The following CFAP299 variants were observed in gnomAD, a reference collection of about 807,000 sequenced individuals.
CFAP299 encodes cilia and flagella associated protein 299.
CFAP299 carries 21 observed loss-of-function variants against 27.0 expected under a neutral mutation model. The observed-to-expected ratio is 0.78, with a 90% CI of 0.55 to 1.12. The LOEUF (loss-of-function observed/expected upper bound fraction) is 1.12. Among genes scored for constraint, CFAP299 ranks in the 50% most tolerant of loss-of-function variants. The pLI, the probability that CFAP299 is intolerant of heterozygous loss-of-function variation, is 0.00. For synonymous variants in CFAP299, 104 were observed against 98.1 expected (o/e 1.06, Z -0.36); for missense variants, 310 against 276.6 (o/e 1.12, Z -0.86).
chr4:80,724,905 T>C (rs541922508), intron 3 of CFAP299, among the ~76,000 whole-genome samples: 1 of 147,378 alleles, frequency 6.8e-6, no homozygotes, highest in African/African-American at 2.5e-5. Context: ...TTCTTTCTTT[T>C]TCTTTCTTTC....
At chr4:80,467,621 C>T (rs1179678250) in intron 2 of CFAP299, among the ~76,000 whole-genome samples, 1 of 152,160 alleles carries the variant, frequency 6.6e-6, no homozygotes, top group Non-Finnish European at 1.5e-5. Context: ...TTTTCGTGTG[C>T]TCTTCAAGTA....
chr4:80,402,582 C>T (rs1726218734), intron 2 of CFAP299, among the ~76,000 whole-genome samples: 1 of 152,102 alleles, frequency 6.6e-6, no homozygotes. Context: ...CCTTTTCTTC[C>T]CAGTCTTGGG....
At chr4:80,654,112 C>T (rs1024605018) in intron 3 of CFAP299, among the ~76,000 whole-genome samples, 3 of 152,046 alleles carry the variant, frequency 2.0e-5, no homozygotes, top group Non-Finnish European at 2.9e-5. Context: ...CATGACATTG[C>T]GGTACTGGGG....
At chr4:80,405,652 A>G (rs1320484822) in intron 2 of CFAP299, among the ~76,000 whole-genome samples, 1 of 151,944 alleles carries the variant, frequency 6.6e-6, no homozygotes, top group Non-Finnish European at 1.5e-5. Context: ...TATATATACT[A>G]ATATATTGTT....
At chr4:80,331,635 C>T (rs1264307061), upstream of CFAP299, among the ~76,000 whole-genome samples, 4 of 152,108 alleles carry the variant, frequency 2.6e-5, no homozygotes, top group Non-Finnish European at 5.9e-5. Context: ...CCATGTTTCT[C>T]ACATGAACAA....
chr4:80,436,752 C>T (rs1192989477), intron 2 of CFAP299, among the ~76,000 whole-genome samples: 1 of 151,990 alleles, frequency 6.6e-6, no homozygotes, highest in African/African-American at 2.4e-5. Context: ...ATAATACGAC[C>T]TTTTGTCCTT....
At chr4:80,711,094 CA>C (rs1316843105) in intron 3 of CFAP299, among the ~76,000 whole-genome samples, 1 of 152,206 alleles carries the variant, frequency 6.6e-6, no homozygotes, top group Non-Finnish European at 1.5e-5. Context: ...TGACACTACA[CA>C]GGCACACTTG....
At chr4:80,809,153 A>T (rs1053296246) in intron 3 of CFAP299, among the ~76,000 whole-genome samples, 2 of 152,086 alleles carry the variant, frequency 1.3e-5, no homozygotes, top group African/African-American at 4.8e-5. Context: ...TTTAGAGTAA[A>T]CCTTTTGCCT....
chr4:80,323,250 T>C, the CFAP299 span, among the ~76,000 whole-genome samples: 1 of 152,214 alleles, frequency 6.6e-6, no homozygotes, highest in Non-Finnish European at 1.5e-5. Context: ...GCAGACCTCA[T>C]GGATTGAAGA....
intron 3 of CFAP299, among the ~76,000 whole-genome samples, chr4:80,642,641 A>C (rs886920503): frequency 6.6e-6 from 1 of 152,012 alleles, no homozygotes; most frequent in East Asian, 1.9e-4. Flanking sequence ...GCACGTGCCT[A>C]TAGTCCCAGC....
At chr4:80,818,952 G>A (rs1324464206) in intron 3 of CFAP299, among the ~76,000 whole-genome samples, 2 of 152,008 alleles carry the variant, frequency 1.3e-5, no homozygotes, top group African/African-American at 4.8e-5. Context: ...TTATAAGCAG[G>A]GTTTGAATAG....
chr4:80,848,472 G>A (rs1190270364), intron 3 of CFAP299, among the ~76,000 whole-genome samples: 1 of 152,128 alleles, frequency 6.6e-6, no homozygotes, highest in Non-Finnish European at 1.5e-5. Context: ...TAACACAGTG[G>A]TAAGTATTTG....
intron 2 of CFAP299, among the ~76,000 whole-genome samples, chr4:80,506,619 C>A (rs1732051530): frequency 6.6e-6 from 1 of 152,080 alleles, no homozygotes; most frequent in African/African-American, 2.4e-5. Flanking sequence ...GTAAAGTATG[C>A]AAGAAGCCCT....
At chr4:80,672,883 T>C (rs1741580478) in intron 3 of CFAP299, among the ~76,000 whole-genome samples, 2 of 152,070 alleles carry the variant, frequency 1.3e-5, no homozygotes, top group South Asian at 2.1e-4. Flanking sequence ...ATGTATTTGA[T>C]TCTTCTCTCT....
At chr4:80,663,423 A>C (rs1252423611) in intron 3 of CFAP299, among the ~76,000 whole-genome samples, 1 of 152,058 alleles carries the variant, frequency 6.6e-6, no homozygotes, top group African/African-American at 2.4e-5. Flanking sequence ...GCAGAGAATG[A>C]TGGTTTCCAG....
At chr4:80,847,409 G>A (rs1339820612) in intron 3 of CFAP299, among the ~76,000 whole-genome samples, 2 of 152,068 alleles carry the variant, frequency 1.3e-5, no homozygotes, top group Non-Finnish European at 2.9e-5. Context: ...CTCCTTTTTG[G>A]GTTCTGATAA....
At chr4:80,859,257 T>G (rs1285287992) in intron 3 of CFAP299, among the ~76,000 whole-genome samples, 1 of 152,182 alleles carries the variant, frequency 6.6e-6, no homozygotes, top group East Asian at 1.9e-4. Flanking sequence ...GTTTTCCATT[T>G]GCTTGGTAGA....
chr4:80,575,622 TTTC>T (rs1182127415), intron 2 of CFAP299, among the ~76,000 whole-genome samples: 1 of 152,140 alleles, frequency 6.6e-6, no homozygotes, highest in Non-Finnish European at 1.5e-5. Context: ...TTTATATTGT[TTTC>T]TTCATTTCAA....
At chr4:80,563,860 T>A (rs78979675) in intron 2 of CFAP299, among the ~76,000 whole-genome samples, 6,863 of 151,688 alleles carry the variant, frequency 0.045, 373 homozygotes, top group African/African-American at 0.13. Context: ...AATGTAAAAA[T>A]CACATTACAA....
Sources: allele counts gnomAD v4.1 joint callset (sites outside exome capture counted in the v4.1 genomes callset), GRCh38; gene constraint gnomAD v4.1.1; transcripts MANE v1.5; gene names NCBI Gene and HGNC (gene_info 2026-07-23, HGNC 2026-07-21).